TBC1D5: variants seen among roughly 807,000 people sequenced by gnomAD.
The protein encoded by TBC1D5 is TBC1 domain family, member 5.
In TBC1D5, 75 loss-of-function variants were observed where a neutral mutation model predicts 100.3. The observed-to-expected ratio is 0.75, with a 90% confidence interval of 0.62 to 0.91. The LOEUF is 0.91. Ranked by LOEUF, TBC1D5 falls within the 40% of genes least tolerant of loss-of-function variation. The probability of loss-of-function intolerance (pLI) is 0.00; values close to 1 mark genes in which losing one functional copy is unlikely to be tolerated. For synonymous variants in TBC1D5, 323 were observed against 325.6 expected, an observed-to-expected ratio of 0.99 and a Z score of 0.09; for missense variants, 910 against 942.4, an observed-to-expected ratio of 0.97 and a Z score of 0.45.
At chr3:17,529,645 TA>T (rs1467995050) in intron 2 of TBC1D5, among the ~76,000 whole-genome samples, 14 of 150,754 alleles carry the variant, frequency 9.3e-5, no homozygotes, top group African/African-American at 3.2e-4. Context: ...TTATTATTAT[TA>T]TTATTTTTAT....
At chr3:17,433,112 C>T (rs184228224) in intron 3 of TBC1D5, among the ~76,000 whole-genome samples, 85 of 151,304 alleles carry the variant, frequency 5.6e-4, no homozygotes, top group Non-Finnish European at 1.0e-3. Context: ...ACTTAGTTCT[C>T]GAAGGGAAGA....
chr3:17,177,569 T>A (rs2067922269), intron 19 of TBC1D5, among the ~76,000 whole-genome samples: 1 of 152,178 alleles, frequency 6.6e-6, no homozygotes, highest in Non-Finnish European at 1.5e-5. Context: ...TTTATGAATA[T>A]ATTAGCTGAA....
chr3:17,547,697 A>G lies in TBC1D5; in HGVS notation c.-35-39092T>C, dbSNP rs765219777. Among the ~76,000 whole-genome samples the G allele has an allele frequency of 6.8e-4, 104 of 152,210 alleles. 1 individual carries two copies. The highest frequency in any genetic ancestry group is 1.4e-3 in the Non-Finnish European group (92 of 68,022). On this transcript the variant is annotated intron_variant, in intron 2 of 21. Transcript: ENST00000253692. ...CCAATGGTAGCATGATGTGATGACT[A>G]CAGATTCTAACTACACAAAAATTCA...
chr3:17,253,863 G>T (rs1559494581), intron 16 of TBC1D5, among the ~76,000 whole-genome samples: 1 of 152,194 alleles, frequency 6.6e-6, no homozygotes, highest in Non-Finnish European at 1.5e-5. Flanking sequence ...GTGCACTTAC[G>T]TGCGGATTTT....
At chr3:17,227,572 A>G (rs928451581) in intron 17 of TBC1D5, among the ~76,000 whole-genome samples, 7 of 152,128 alleles carry the variant, frequency 4.6e-5, no homozygotes, top group African/African-American at 1.7e-4. Context: ...GCTGGGGGCC[A>G]TTATCTTTAG....
intron 21 of TBC1D5, among the ~76,000 whole-genome samples, chr3:17,165,512 G>A: frequency 6.6e-6 from 1 of 152,148 alleles, no homozygotes; most frequent in East Asian, 1.9e-4. Context: ...GCATTCATGT[G>A]GCTACAAATG....
At chr3:17,659,179 C>T (rs541178430) in intron 1 of TBC1D5, among the ~76,000 whole-genome samples, 2 of 152,238 alleles carry the variant, frequency 1.3e-5, no homozygotes, top group South Asian at 4.1e-4. Flanking sequence ...ACTACACATC[C>T]CTACTTGGGA....
intron 13 of TBC1D5, among the ~76,000 whole-genome samples, chr3:17,366,006 T>G (rs2092100365): frequency 6.6e-6 from 1 of 152,184 alleles, no homozygotes; most frequent in African/African-American, 2.4e-5. Context: ...ATAAAGCCTT[T>G]TGGCCAGGTG....
At chr3:17,198,926 C>T (rs910791605) in intron 18 of TBC1D5, among the ~76,000 whole-genome samples, 12 of 152,148 alleles carry the variant, frequency 7.9e-5, no homozygotes, top group African/African-American at 2.9e-4. Context: ...AACGTATGGT[C>T]GGGAATGGGA....
chr3:17,489,189 T>C (rs1490745467), intron 3 of TBC1D5, among the ~76,000 whole-genome samples: 1 of 151,478 alleles, frequency 6.6e-6, no homozygotes, highest in Non-Finnish European at 1.5e-5. Context: ...CTGTAGTATA[T>C]GTAGCAACTA....
intron 4 of TBC1D5, among the ~76,000 whole-genome samples, chr3:17,416,987 A>G (rs990489457): frequency 2.0e-5 from 3 of 152,330 alleles, no homozygotes; most frequent in African/African-American, 4.8e-5. Context: ...ACTTTTGTTT[A>G]AAGTCAATTA....
chr3:17,158,565 C>T (rs1317551417), exon 22 of TBC1D5: 1 of 152,222 alleles, frequency 6.6e-6, no homozygotes, highest in East Asian at 1.9e-4. Context: ...ACCCATGACC[C>T]ACTGTCCTTG....
chr3:17,674,620 T>G (rs930216593), intron 1 of TBC1D5, among the ~76,000 whole-genome samples: 6 of 152,184 alleles, frequency 3.9e-5, no homozygotes, highest in Non-Finnish European at 7.4e-5. Flanking sequence ...TTAAGCAGTT[T>G]TAGGTTCCTA....
intron 2 of TBC1D5, among the ~76,000 whole-genome samples, chr3:17,571,133 G>A (rs1285996401): frequency 6.6e-6 from 1 of 151,308 alleles, no homozygotes; most frequent in Non-Finnish European, 1.5e-5. Context: ...CAAAATCCTA[G>A]GAAAAAAATT....
intron 3 of TBC1D5, among the ~76,000 whole-genome samples, chr3:17,485,270 T>C (rs937766291): frequency 6.6e-6 from 1 of 151,424 alleles, no homozygotes; most frequent in Non-Finnish European, 1.5e-5. Context: ...CTTTTAAAGA[T>C]AGAATTTTTT....
At position 17,204,216 on chromosome 3, in the gene TBC1D5, G is replaced by A. The variant is rs530113075; in HGVS notation, c.1752+9991C>T. Reference sequence around the variant, plus strand: ...GATGCCACTGAGGGGGAAAGAAGAGGACAACCATGCAGACTCCGCAATCTG... The same window carrying A: ...GATGCCACTGAGGGGGAAAGAAGAGAACAACCATGCAGACTCCGCAATCTG... On this transcript the variant is annotated intron_variant, in intron 18 of 21. Coordinates refer to ENST00000253692, the Ensembl canonical transcript of TBC1D5. 5.3e-5 allele frequency among the ~76,000 whole-genome samples: 8 copies of A among 152,278 alleles called. No individual in the cohort carries two copies. In the East Asian group the frequency reaches 1.5e-3, roughly 29 times the overall value.
At chr3:17,256,992 G>A (rs1018370415) in intron 16 of TBC1D5, among the ~76,000 whole-genome samples, 1 of 152,194 alleles carries the variant, frequency 6.6e-6, no homozygotes, top group African/African-American at 2.4e-5. Flanking sequence ...TGATGTGGCT[G>A]TAGCATGAGA....
At chr3:17,454,535 C>T (rs2095008210) in intron 3 of TBC1D5, among the ~76,000 whole-genome samples, 1 of 152,162 alleles carries the variant, frequency 6.6e-6, no homozygotes, top group South Asian at 2.1e-4. Context: ...TCTCGGCTCA[C>T]TGCAAGCTCC....
intron 2 of TBC1D5, among the ~76,000 whole-genome samples, chr3:17,516,291 T>A (rs1174201635): frequency 6.6e-6 from 1 of 152,194 alleles, no homozygotes; most frequent in Non-Finnish European, 1.5e-5. Flanking sequence ...TAGAATAAGT[T>A]TTTTTTAATG....
Sources: allele counts gnomAD v4.1 joint callset (sites outside exome capture counted in the v4.1 genomes callset), GRCh38; gene constraint gnomAD v4.1.1; transcripts MANE v1.5; gene names NCBI Gene and HGNC (gene_info 2026-07-23, HGNC 2026-07-21).